Variants in ASGR2 observed in about 807,000 individuals in gnomAD.
The protein encoded by ASGR2 is C-type lectin domain family 4 member H2.
ASGR2 carries 34 observed loss-of-function variants against 32.3 expected under a neutral mutation model. The ratio of observed to expected loss-of-function variants is 1.05; its 90% CI spans 0.80 to 1.40. The LOEUF is 1.40. ASGR2 is among the 40% of genes most tolerant of loss of function. The probability of loss-of-function intolerance (pLI) is 0.00; values close to 1 mark genes in which losing one functional copy is unlikely to be tolerated. For synonymous variants in ASGR2, 143 were observed against 150.0 expected, an observed-to-expected ratio of 0.95 and a Z score of 0.34; for missense variants, 385 against 386.4, an observed-to-expected ratio of 1.00 and a Z score of 0.03.
At chr17:7,112,308 T>TC (rs1162558850) in intron 2 of ASGR2, among the ~76,000 whole-genome samples, 3 of 151,688 alleles carry the variant, frequency 2.0e-5, no homozygotes, top group Non-Finnish European at 4.4e-5. Context: ...CTGATCAGTG[T>TC]CAGCTCCCAT....
intron 2 of ASGR2, among the ~76,000 whole-genome samples, chr17:7,109,554 G>A (rs1010323413): frequency 6.6e-6 from 1 of 151,646 alleles, no homozygotes; most frequent in African/African-American, 2.4e-5. Context: ...CTTTGCCCTC[G>A]CTTCCCTAGA....
chr17:7,108,735 C>A lies in ASGR2; in HGVS notation c.241+37G>T, dbSNP rs201460531. ...GCCACTGCCCATGTCTCTTTCCCTA[C>A]CCCTTGCCCATCCCTGCTGGCCCCC... is the stretch of plus-strand genomic sequence containing the variant. On this transcript the variant is annotated intron_variant, in intron 3 of 8. Coordinates refer to ENST00000691900, the MANE Select transcript of ASGR2 (RefSeq NM_001201352.2). This position sits in a 1 kb window ranked among gnomAD's most constrained non-coding sequence, Gnocchi z 4.9. 51 of 1,613,988 alleles carry A rather than the reference C, an allele frequency of 3.2e-5. No homozygotes were observed. The highest frequency in any genetic ancestry group is 1.6e-4 in the Middle Eastern group (1 of 6,062).
Position 7,107,454 on chromosome 17 carries a change from A to G in ASGR2, c.410-137T>C. The G allele has an allele frequency of 1.2e-6, 1 of 821,672 alleles. No individual in the cohort carries two copies. The allele number at this position is 821,672 out of a possible 1,614,324, so 50.9% of individuals were successfully genotyped here. A position where few individuals can be genotyped will look rare whatever the true frequency, so the allele number is the denominator to read the frequency against. On this transcript the variant is annotated intron_variant, in intron 5 of 8. Transcript: ENST00000691900. The surrounding 1 kb of genome is among the most constrained non-coding windows in gnomAD (Gnocchi z 5.0). ...CCACACCACACACCATACCACACAC[A>G]CACCACAGACATGTACACCACACAT...
In ASGR2 at chr17:7,108,703, G is replaced by A. The variant is rs540062198; in HGVS notation, c.241+69C>T. ...CCCTTCCCCTCCCATCGCCCCGATC[G>A]CTGCCCGCCACTGCCCATGTCTCTT... On this transcript the variant is annotated intron_variant, in intron 3 of 8. Coordinates refer to ENST00000691900, the MANE Select transcript of ASGR2 (RefSeq NM_001201352.2). This position sits in a 1 kb window ranked among gnomAD's most constrained non-coding sequence, Gnocchi z 4.9. The A allele has an allele frequency of 1.1e-4, 183 of 1,610,202 alleles. No homozygotes were observed. The highest frequency in any genetic ancestry group is 1.5e-4 in the Non-Finnish European group (173 of 1,177,490).
chr17:7,108,670 G>T lies in ASGR2; in HGVS notation c.241+102C>A, dbSNP rs1422757661. 6.9e-6 allele frequency: 11 copies of T among 1,601,172 alleles called. No individual in the cohort carries two copies. The African/African-American group carries it at 1.5e-4, about 21-fold the overall frequency. On this transcript the variant is annotated intron_variant, in intron 3 of 8. Transcript: ENST00000691900. The surrounding 1 kb of genome is among the most constrained non-coding windows in gnomAD (Gnocchi z 4.9). ...TTTGCCCCAGCTTGTGCTCCACCCC[G>T]CCTCCATCCCTTCCCCTCCCATCGC...
Position 7,107,162 on chromosome 17 carries a change from AG to A in ASGR2, c.497-12del. On this transcript the variant is annotated splice_polypyrimidine_tract_variant and intron_variant, in intron 6 of 8. Transcript: ENST00000691900. This position sits in a 1 kb window ranked among gnomAD's most constrained non-coding sequence, Gnocchi z 5.0. ...AGGTCCTTTGGGAGCCTGAGGGGAC[AG>A]GGGGCAGGGAGATGAGATCCAGCCG... 2 of 1,614,146 alleles carry A rather than the reference AG, an allele frequency of 1.2e-6. No homozygotes were observed. Among genetic ancestry groups the A allele is most frequent in the Non-Finnish European group, 1.7e-6 (2 of 1,180,016 alleles).
chr17:7,112,692 C>T (rs1159625620), intron 2 of ASGR2, among the ~76,000 whole-genome samples: 2 of 152,110 alleles, frequency 1.3e-5, no homozygotes, highest in Non-Finnish European at 2.9e-5. Context: ...GAGTGGTCCT[C>T]GGGAGGGACC....
chr17:7,107,347 G>T lies in ASGR2; in HGVS notation c.410-30C>A, dbSNP rs751952706. The T allele has an allele frequency of 1.9e-6, 3 of 1,605,894 alleles. No homozygotes were observed. The highest frequency in any genetic ancestry group is 1.7e-6 in the Non-Finnish European group (2 of 1,178,552). ...GACAGACAGGCTGAAAGTGCTGCCG[G>T]CAGGTGTGGTCCCCACCTGCTAGGC... On this transcript the variant is annotated intron_variant, in intron 5 of 8. Transcript: ENST00000691900. The surrounding 1 kb of genome is among the most constrained non-coding windows in gnomAD (Gnocchi z 5.0).
intron 7 of ASGR2, among the ~76,000 whole-genome samples, 178 bp downstream of exon 7, chr17:7,106,822 T>C (rs1913759814): frequency 6.7e-6 from 1 of 150,362 alleles, no homozygotes; most frequent in South Asian, 2.1e-4. Flanking sequence ...GAGAATGGCG[T>C]GAACCCAGAA....
intron 7 of ASGR2, among the ~76,000 whole-genome samples, chr17:7,103,960 A>C (rs954580520): frequency 6.6e-6 from 1 of 151,674 alleles, no homozygotes; most frequent in Non-Finnish European, 1.5e-5. Flanking sequence ...TACATGCTTC[A>C]AAAATTTTAA....
rs1040614542 is a variant in ASGR2, at chr17:7,108,326, A to G, written c.337+136T>C. On this transcript the variant is annotated intron_variant, in intron 4 of 8. Coordinates refer to ENST00000691900, the MANE Select transcript of ASGR2 (RefSeq NM_001201352.2). This position sits in a 1 kb window ranked among gnomAD's most constrained non-coding sequence, Gnocchi z 4.9. ...GTCCGTCCCCACCTGCCTCCCTCCT[A>G]TACATCCCCCAGGGCCCCTGGACGC... is the stretch of plus-strand genomic sequence containing the variant. 1.1e-5 allele frequency: 10 copies of G among 900,074 alleles called. No individual in the cohort carries two copies. The highest frequency in any genetic ancestry group is 5.1e-5 in the Admixed American group (2 of 39,272). The allele number at this position is 900,074 out of a possible 1,614,324, so 55.8% of individuals were successfully genotyped here. A position where few individuals can be genotyped will look rare whatever the true frequency, so the allele number is the denominator to read the frequency against.
At chr17:7,101,823 T>C in intron 8 of ASGR2, 83 bp from the exon 9 acceptor site, 1 of 1,527,434 alleles carries the variant, frequency 6.5e-7, no homozygotes, top group East Asian at 2.3e-5. Flanking sequence ...ATGACCATTT[T>C]CCTTGAAGGC....
At position 7,101,543 on chromosome 17, in the gene ASGR2, T is replaced by C. The variant is rs1277467984; in HGVS notation, c.*32A>G. 1.3e-5 allele frequency: 21 copies of C among 1,603,214 alleles called. No individual in the cohort carries two copies. The highest frequency in any genetic ancestry group is 1.7e-5 in the Non-Finnish European group (20 of 1,172,538). On this transcript the variant is annotated 3_prime_UTR_variant, in exon 9 of 9. Transcript: ENST00000691900. ...CAGAGAAGCCAGAGCTGGGCAGGTG[T>C]GGGGTATGGGTTAGCCAGAGGTGTG...
In ASGR2 at chr17:7,102,028, GA is replaced by G. The variant is rs545592180; in HGVS notation, c.755+61del. 3,135 of 1,524,920 alleles carry G rather than the reference GA, an allele frequency of 2.1e-3. 8 individuals are homozygous for G. The highest frequency in any genetic ancestry group is 2.5e-3 in the Non-Finnish European group (2,772 of 1,100,514). The allele number at this position is 1,524,920 out of a possible 1,614,324, so 94.5% of individuals were successfully genotyped here. A position where few individuals can be genotyped will look rare whatever the true frequency, so the allele number is the denominator to read the frequency against. On this transcript the variant is annotated intron_variant, in intron 8 of 8. Coordinates refer to ENST00000691900, the MANE Select transcript of ASGR2 (RefSeq NM_001201352.2). Reference sequence around the variant, plus strand: ...GGGACGAGTCAGGGTAGCTTGGAGTGAAAGGCCAGGGGGCTGTCCCCAGAGA... The same window carrying G: ...GGGACGAGTCAGGGTAGCTTGGAGTGAAGGCCAGGGGGCTGTCCCCAGAGA...
Position 7,113,551 on chromosome 17 carries a change from A to ACAC in ASGR2, c.124+565_124+566insGTG, listed in dbSNP as rs200218789. Among the ~76,000 whole-genome samples the ACAC allele has an allele frequency of 0.47, 70,394 of 150,240 alleles. 16,518 individuals carry two copies. Among genetic ancestry groups the ACAC allele is most frequent in the Non-Finnish European group, 0.49 (33,241 of 67,476 alleles). Reference sequence around the variant, plus strand: ...ATACACACACTCATACACAACATACATACACACAACATACACACAACATAC... The same window carrying ACAC: ...ATACACACACTCATACACAACATACACACTACACACAACATACACACAACATAC... On this transcript the variant is annotated intron_variant, in intron 2 of 8. Transcript: ENST00000691900. The surrounding 1 kb of genome is among the most constrained non-coding windows in gnomAD (Gnocchi z 5.1).
intron 2 of ASGR2, among the ~76,000 whole-genome samples, chr17:7,112,651 T>G (rs760119614): frequency 2.0e-5 from 3 of 152,128 alleles, no homozygotes; most frequent in Non-Finnish European, 4.4e-5. Context: ...GCCAGCCCCC[T>G]ACAGAGAGAG....
rs776272937 is a variant in ASGR2, at chr17:7,114,085, G to C, written c.124+32C>G. 5.0e-6 allele frequency: 8 copies of C among 1,613,162 alleles called. No individual in the cohort carries two copies. In the African/African-American group the frequency reaches 8.0e-5, roughly 16 times the overall value. ...AGAGCAATCATGAGCTGAGACAGAGGGGGAGCAAAGCCGCAGAAACTGCAC... is the reference window on the plus strand; with the variant it reads ...AGAGCAATCATGAGCTGAGACAGAGCGGGAGCAAAGCCGCAGAAACTGCAC... On this transcript the variant is annotated intron_variant, in intron 2 of 8. Coordinates refer to ENST00000691900, the MANE Select transcript of ASGR2 (RefSeq NM_001201352.2). The surrounding 1 kb of genome is among the most constrained non-coding windows in gnomAD (Gnocchi z 4.5).
chr17:7,108,987 G>A lies in ASGR2; in HGVS notation c.125-99C>T. On this transcript the variant is annotated intron_variant, in intron 2 of 8. Coordinates refer to ENST00000691900, the MANE Select transcript of ASGR2 (RefSeq NM_001201352.2). This position sits in a 1 kb window ranked among gnomAD's most constrained non-coding sequence, Gnocchi z 4.9. ...CTGAGGAGGCATAACCTGGGCGGGG[G>A]GATTGGTTGGGGCCATGGGGGGGGG... is the stretch of plus-strand genomic sequence containing the variant. 1 of 1,146,494 alleles carries A rather than the reference G, an allele frequency of 8.7e-7. No homozygotes were observed. Among genetic ancestry groups the A allele is most frequent in the Non-Finnish European group, 1.2e-6 (1 of 833,972 alleles). 71.0% of individuals were successfully genotyped at this position (1,146,494 alleles called of 1,614,324 possible). A position where few individuals can be genotyped will look rare whatever the true frequency, so the allele number is the denominator to read the frequency against.
At chr17:7,114,868 C>T, upstream of ASGR2, 3 of 985,950 alleles carry the variant, frequency 3.0e-6, no homozygotes, top group Non-Finnish European at 3.6e-6. This position sits in a 1 kb window ranked among gnomAD's most constrained non-coding sequence, Gnocchi z 4.5. Context: ...GGGGTGGGGG[C>T]AGGGGACGGG....
Sources: gnomAD v4.1 joint callset for allele counts (sites outside exome capture counted in the v4.1 genomes callset) on GRCh38, gnomAD v4.1.1 for gene constraint, Gnocchi (gnomAD v3.1) non-coding constraint, MANE v1.5 for transcripts, NCBI Gene and HGNC (gene_info 2026-07-23, HGNC 2026-07-21) for gene names.